The following HPS1 variants were observed in gnomAD, a reference collection of about 807,000 sequenced individuals.
HPS1 encodes the protein BLOC-3 complex member HPS1.
A neutral mutation model predicts 90.6 loss-of-function variants in HPS1; 59 were observed. That is an observed-to-expected ratio of 0.65 (90% confidence interval 0.53 to 0.81). The LOEUF is 0.81. Among genes scored for constraint, HPS1 ranks in the 30% least tolerant of loss-of-function variants. The pLI is 0.00. For synonymous variants in HPS1, 388 were observed against 384.4 expected (o/e 1.01, Z -0.11); for missense variants, 849 against 896.7 (o/e 0.95, Z 0.68).
intron 14 of HPS1, 23 bp from the exon 15 acceptor site, chr10:98,423,910 T>A (rs1456266132): frequency 1.2e-6 from 2 of 1,612,462 alleles, no homozygotes; most frequent in Non-Finnish European, 1.7e-6. Flanking sequence ...GAGGAGGGCA[T>A]TACAGCAGAA....
intron 6 of HPS1, among the ~76,000 whole-genome samples, chr10:98,432,483 A>G (rs78867785): frequency 0.13 from 19,448 of 152,236 alleles, 1,503 homozygotes; most frequent in South Asian, 0.22. Flanking sequence ...GAGTGGGGGT[A>G]TGAGAATGAA....
chr10:98,430,482 C>T lies in HPS1; in HGVS notation c.768+89G>A, dbSNP rs918203142. The stretch of plus-strand genomic sequence containing the variant: ...ATTGTGACTTAGAAAACATGGAGTC[C>T]CCAGGGGGAGCCTGCCCACCATCTT... On this transcript the variant is annotated intron_variant, in intron 8 of 19. Coordinates refer to ENST00000361490, the MANE Select transcript of HPS1 (RefSeq NM_000195.5). The T allele has an allele frequency of 4.1e-6, 4 of 979,464 alleles. No homozygotes were observed. In the African/African-American group the frequency reaches 4.8e-5, roughly 12 times the overall value. The allele number at this position is 979,464 out of a possible 1,614,324, so 60.7% of individuals were successfully genotyped here.
At chr10:98,439,080 C>G (rs1031216451) in intron 3 of HPS1, among the ~76,000 whole-genome samples, 1 of 152,196 alleles carries the variant, frequency 6.6e-6, no homozygotes, top group African/African-American at 2.4e-5. Flanking sequence ...GTTTGGGAAC[C>G]TCCACCTAGA....
chr10:98,415,898 G>A (rs1449620603), downstream of HPS1, among the ~76,000 whole-genome samples: 1 of 152,200 alleles, frequency 6.6e-6, no homozygotes, highest in Non-Finnish European at 1.5e-5. Context: ...CCAAGGATTC[G>A]AGGTCACATC....
Position 98,431,238 on chromosome 10 carries a change from C to G in HPS1, c.561G>C (p.Leu187=), listed in dbSNP as rs1275359170. 3 of 1,614,016 alleles carry G rather than the reference C, an allele frequency of 1.9e-6. No individual in the cohort carries two copies. The South Asian group carries it at 3.3e-5, about 18-fold the overall frequency. The change falls in exon 7 of 20, where the codon CTG becomes CTC. Residue 187 remains leucine (L), a synonymous_variant. Transcript: ENST00000361490. Reference sequence around the variant, plus strand: ...TGACAGCCTGGATGACGTGCCGCTCCAGCGCCTCTATGCACAGCTCACAGA... The same window carrying G: ...TGACAGCCTGGATGACGTGCCGCTCGAGCGCCTCTATGCACAGCTCACAGA... The part of the protein sequence containing the change: ...PQLCELCIEA[L]ERHVIQAVNT...
intron 6 of HPS1, among the ~76,000 whole-genome samples, chr10:98,431,674 AAG>A (rs957902755): frequency 2.6e-5 from 4 of 152,196 alleles, no homozygotes; most frequent in African/African-American, 9.7e-5. Context: ...CCACCAGAGA[AAG>A]AGGGAGAGAG....
rs773907480 is a variant in HPS1 at position 98,417,772 on chromosome 10, C to G, written c.1941-46G>C. ...GGGATTCAGGAGTGAGGCTGTGGCA[C>G]TCCTCCAGCGCCAGAGGCCTCTCTG... On this transcript the variant is annotated intron_variant, in intron 19 of 19. Coordinates refer to ENST00000361490, the MANE Select transcript of HPS1 (RefSeq NM_000195.5). This position sits in a 1 kb window ranked among gnomAD's most constrained non-coding sequence, Gnocchi z 4.2. 6.3e-7 allele frequency: 1 copy of G among 1,586,316 alleles called. No individual in the cohort carries two copies. The highest frequency in any genetic ancestry group is 1.1e-5 in the South Asian group (1 of 90,400).
downstream of HPS1, chr10:98,414,929 C>T (rs1843946474): frequency 3.3e-6 from 5 of 1,533,842 alleles, no homozygotes; most frequent in South Asian, 3.7e-5. Flanking sequence ...GCTTGGCTCC[C>T]CCTCCCCCTC....
intron 6 of HPS1, among the ~76,000 whole-genome samples, chr10:98,433,475 TA>T (rs1846819966): frequency 6.6e-6 from 1 of 152,176 alleles, no homozygotes; most frequent in Non-Finnish European, 1.5e-5. Context: ...GTTTTTTATT[TA>T]CTAGGGCTTT....
In HPS1 at chr10:98,417,453, G is replaced by C. The variant is rs1454998073; in HGVS notation, c.*111C>G. 1.0e-6 allele frequency: 1 copy of C among 988,566 alleles called. No homozygotes were observed. Among genetic ancestry groups the C allele is most frequent in the Non-Finnish European group, 1.5e-6 (1 of 668,848 alleles). The allele number at this position is 988,566 out of a possible 1,614,324, so 61.2% of individuals were successfully genotyped here. ...GCCCTGGGGCCACCCTGGGCACTCTGCCCTATCCTCAGGATGGCCACTGCA... is the reference window on the plus strand; with the variant it reads ...GCCCTGGGGCCACCCTGGGCACTCTCCCCTATCCTCAGGATGGCCACTGCA... On this transcript the variant is annotated 3_prime_UTR_variant, in exon 20 of 20. Transcript: ENST00000361490. This position sits in a 1 kb window ranked among gnomAD's most constrained non-coding sequence, Gnocchi z 4.2.
At chr10:98,423,972 A>G in intron 14 of HPS1, 85 bp from the exon 15 acceptor site, 4 of 1,554,692 alleles carry the variant, frequency 2.6e-6, no homozygotes, top group Non-Finnish European at 3.5e-6. Context: ...TCCTGCACCC[A>G]GGACAGACAG....
intron 5 of HPS1, among the ~76,000 whole-genome samples, chr10:98,434,482 T>C (rs554784831): frequency 2.7e-4 from 41 of 150,378 alleles, no homozygotes; most frequent in African/African-American, 1.0e-3. Flanking sequence ...ACGTCTGCAC[T>C]GGCCACTGTG....
In HPS1 at chr10:98,417,418, G is replaced by T; in HGVS notation, c.*146C>A. On this transcript the variant is annotated 3_prime_UTR_variant, in exon 20 of 20. Transcript: ENST00000361490. This position sits in a 1 kb window ranked among gnomAD's most constrained non-coding sequence, Gnocchi z 4.2. ...CTGACATGGAGGGTGGTCTAGGTGG[G>T]GTTTTAGAAGCCCTGGGGCCACCCT... is the stretch of plus-strand genomic sequence containing the variant. 1.5e-6 allele frequency: 1 copy of T among 650,562 alleles called. No individual in the cohort carries two copies. 40.3% of individuals were successfully genotyped at this position (650,562 alleles called of 1,614,324 possible).
intron 3 of HPS1, among the ~76,000 whole-genome samples, chr10:98,441,954 C>A (rs529701996): frequency 6.6e-6 from 1 of 152,326 alleles, no homozygotes; most frequent in East Asian, 1.9e-4. Flanking sequence ...ACCTACATGA[C>A]CTAGCCAGTC....
At chr10:98,434,967 T>C (rs998279580) in intron 5 of HPS1, 3 of 425,382 alleles carry the variant, frequency 7.1e-6, no homozygotes, top group African/African-American at 6.1e-5. Context: ...GGTGATGATG[T>C]TGGGAGGATG....
intron 3 of HPS1, among the ~76,000 whole-genome samples, chr10:98,440,999 C>T (rs533933053): frequency 1.6e-4 from 25 of 152,290 alleles, no homozygotes; most frequent in African/African-American, 5.5e-4. Flanking sequence ...TCTATGATCT[C>T]TGATATCTTG....
rs138060332 is a variant in HPS1 at position 98,430,362 on chromosome 10, T to C, written c.768+209A>G. Reference sequence around the variant, plus strand: ...TTCGAACCATGGCTGACTTGAAAAATCTGCACTTTTAACCCACTGGACCAT... The same window carrying C: ...TTCGAACCATGGCTGACTTGAAAAACCTGCACTTTTAACCCACTGGACCAT... On this transcript the variant is annotated intron_variant, in intron 8 of 19. Transcript: ENST00000361490. Among the ~76,000 whole-genome samples the C allele has an allele frequency of 2.6e-3, 391 of 152,078 alleles. 1 individual carries two copies. Among genetic ancestry groups the C allele is most frequent in the African/African-American group, 9.0e-3 (374 of 41,448 alleles).
chr10:98,432,498 T>C (rs377157695), intron 6 of HPS1, among the ~76,000 whole-genome samples: 17 of 152,242 alleles, frequency 1.1e-4, no homozygotes, highest in African/African-American at 1.7e-4. Context: ...AATGAATTCC[T>C]TCAGATCTAT....
intron 6 of HPS1, 71 bp downstream of exon 6, chr10:98,433,911 TG>T: frequency 6.5e-7 from 1 of 1,540,594 alleles, no homozygotes; most frequent in Non-Finnish European, 8.8e-7. Flanking sequence ...GGTTAAAACA[TG>T]GTCTTAAAGG....
Sources: gnomAD v4.1 joint callset for allele counts (sites outside exome capture counted in the v4.1 genomes callset) on GRCh38, gnomAD v4.1.1 for gene constraint, Gnocchi (gnomAD v3.1) non-coding constraint, MANE v1.5 for transcripts, NCBI Gene and HGNC (gene_info 2026-07-23, HGNC 2026-07-21) for gene names.